AIG1: variants seen among roughly 807,000 people sequenced by gnomAD.
AIG1 encodes the protein androgen-induced gene 1 protein.
Under a neutral mutation model 31.4 loss-of-function variants are expected in AIG1, and 23 were observed. The observed-to-expected ratio is 0.73, with a 90% CI of 0.53 to 1.04. The LOEUF (loss-of-function observed/expected upper bound fraction) is 1.04. Among genes scored for constraint, AIG1 ranks in the 50% least tolerant of loss-of-function variants. The pLI is 0.00. For synonymous variants in AIG1, 100 were observed against 110.5 expected, an observed-to-expected ratio of 0.90 and a Z score of 0.60; for missense variants, 274 against 295.0, an observed-to-expected ratio of 0.93 and a Z score of 0.52.
rs73781111 is a variant in AIG1 at position 143,195,953 on chromosome 6, C to T, written c.399+30770C>T. On this transcript the variant is annotated intron_variant, in intron 3 of 5. Coordinates refer to ENST00000357847, the MANE Select transcript of AIG1 (RefSeq NM_016108.4). ...GATGGCTTCATCTTTTACTTGATCC[C>T]GAAGCAAGGGCAGATTGAGAAGCAG... Among the ~76,000 whole-genome samples the T allele has an allele frequency of 3.1e-3, 475 of 152,292 alleles. 2 individuals are homozygous for T. Among genetic ancestry groups the T allele is most frequent in the African/African-American group, 0.011 (458 of 41,560 alleles).
intron 4 of AIG1, among the ~76,000 whole-genome samples, chr6:143,315,526 A>C (rs929687977): frequency 6.6e-6 from 1 of 152,168 alleles, no homozygotes; most frequent in Non-Finnish European, 1.5e-5. Flanking sequence ...TCACAAATGT[A>C]GGCAACTGAT....
At chr6:143,272,624 C>T (rs1796612573) in intron 3 of AIG1, among the ~76,000 whole-genome samples, 1 of 152,128 alleles carries the variant, frequency 6.6e-6, no homozygotes, top group South Asian at 2.1e-4. Flanking sequence ...AATGACTCTG[C>T]AATATGTATA....
At chr6:143,239,328 T>A (rs1390969101) in intron 3 of AIG1, among the ~76,000 whole-genome samples, 1 of 152,216 alleles carries the variant, frequency 6.6e-6, no homozygotes, top group East Asian at 1.9e-4. Context: ...CTCTGAATAT[T>A]TCTGAGCAGA....
intron 3 of AIG1, among the ~76,000 whole-genome samples, chr6:143,173,941 T>C (rs1038829952): frequency 1.3e-5 from 2 of 152,228 alleles, no homozygotes; most frequent in Non-Finnish European, 2.9e-5. Flanking sequence ...TGTTTCTCTG[T>C]TGACTTTCTG....
At chr6:143,064,711 A>G (rs1776539711) in intron 1 of AIG1, among the ~76,000 whole-genome samples, 1 of 152,242 alleles carries the variant, frequency 6.6e-6, no homozygotes, top group Non-Finnish European at 1.5e-5. Context: ...TAGCTTTAAC[A>G]AAAATGCAAG....
chr6:143,093,079 C>G (rs1476587170), intron 1 of AIG1, among the ~76,000 whole-genome samples: 3 of 151,984 alleles, frequency 2.0e-5, no homozygotes, highest in African/African-American at 7.3e-5. Flanking sequence ...CATCCCTCCC[C>G]TCACAAAAAA....
chr6:143,209,131 C>A (rs1224952134), intron 3 of AIG1, among the ~76,000 whole-genome samples: 9 of 152,194 alleles, frequency 5.9e-5, no homozygotes. Flanking sequence ...GCAGTTCCTG[C>A]AATAAAGAAA....
At position 143,275,806 on chromosome 6, in the gene AIG1, G is replaced by A. The variant is rs185254433; in HGVS notation, c.400-8304G>A. ...TCATAGTATAGTGGTTTGCCTGTCTGAGGGCATTCATTAGAGGTGCTATTC... is the reference window on the plus strand; with the variant it reads ...TCATAGTATAGTGGTTTGCCTGTCTAAGGGCATTCATTAGAGGTGCTATTC... On this transcript the variant is annotated intron_variant, in intron 3 of 5. Coordinates refer to ENST00000357847, the MANE Select transcript of AIG1 (RefSeq NM_016108.4). Among the ~76,000 whole-genome samples the A allele has an allele frequency of 2.2e-3, 342 of 152,296 alleles. 3 individuals carry two copies. Among genetic ancestry groups the A allele is most frequent in the South Asian group, 0.011 (55 of 4,824 alleles).
intron 3 of AIG1, among the ~76,000 whole-genome samples, chr6:143,207,544 A>C (rs200645453): frequency 4.1e-4 from 54 of 133,018 alleles, no homozygotes; most frequent in Non-Finnish European, 7.6e-4. Context: ...ACACACACAC[A>C]CCCCTACTCC....
Position 143,334,343 on chromosome 6 carries a change from G to T in AIG1, c.679+898G>T, listed in dbSNP as rs1777315329. Among the ~76,000 whole-genome samples, 1 of 152,230 alleles carries T rather than the reference G, an allele frequency of 6.6e-6. No individual in the cohort carries two copies. Among genetic ancestry groups the T allele is most frequent in the East Asian group, 1.9e-4 (1 of 5,200 alleles). On this transcript the variant is annotated intron_variant, in intron 5 of 5. Coordinates refer to ENST00000357847, the MANE Select transcript of AIG1 (RefSeq NM_016108.4). This position sits in a 1 kb window ranked among gnomAD's most constrained non-coding sequence, Gnocchi z 5.1. ...ACAGACATTGAGCACCCTGCTTTGT[G>T]CCAGACACCCTGCCAGGAGCTCAAT...
intron 3 of AIG1, among the ~76,000 whole-genome samples, chr6:143,219,911 C>T (rs145597550): frequency 0.011 from 1,622 of 152,278 alleles, 30 homozygotes; most frequent in African/African-American, 0.037. Context: ...TACACAACGG[C>T]ATTGCTATGT....
intron 4 of AIG1, among the ~76,000 whole-genome samples, chr6:143,300,975 T>C (rs1798785645): frequency 6.6e-6 from 1 of 152,214 alleles, no homozygotes; most frequent in Non-Finnish European, 1.5e-5. Flanking sequence ...TTTCTTTTTT[T>C]TGAGACGGAG....
intron 3 of AIG1, among the ~76,000 whole-genome samples, chr6:143,233,916 TA>T (rs1355706154): frequency 6.6e-6 from 1 of 152,248 alleles, no homozygotes; most frequent in African/African-American, 2.4e-5. Flanking sequence ...AAATAATTGT[TA>T]TTTTTTTCTC....
intron 3 of AIG1, among the ~76,000 whole-genome samples, chr6:143,213,822 AG>A (rs1260347128): frequency 6.6e-6 from 1 of 151,970 alleles, no homozygotes. Flanking sequence ...TGGCCTGGGA[AG>A]TTCTTTCTGA....
rs139827698 is a variant in AIG1 at position 143,149,396 on chromosome 6, G to A, written c.297+12406G>A. On this transcript the variant is annotated intron_variant, in intron 2 of 5. Coordinates refer to ENST00000357847, the MANE Select transcript of AIG1 (RefSeq NM_016108.4). ...CAAAAAATTAGCCAGGCGTGGTGGC[G>A]GGTGCCTGTAGTCCCAGCTACTAGG... Among the ~76,000 whole-genome samples, 920 of 151,596 alleles carry A rather than the reference G, an allele frequency of 6.1e-3. 11 individuals are homozygous for A. Among genetic ancestry groups the A allele is most frequent in the African/African-American group, 0.014 (599 of 41,328 alleles).
intron 3 of AIG1, among the ~76,000 whole-genome samples, chr6:143,259,721 T>G (rs1350694046): frequency 1.3e-5 from 2 of 152,152 alleles, no homozygotes; most frequent in Non-Finnish European, 2.9e-5. Context: ...GTGTTCCCTG[T>G]TCAGTTTTAC....
intron 3 of AIG1, among the ~76,000 whole-genome samples, chr6:143,281,531 T>C (rs1295819633): frequency 6.6e-6 from 1 of 152,232 alleles, no homozygotes; most frequent in Non-Finnish European, 1.5e-5. Flanking sequence ...AAAATAATTA[T>C]CTCTCTTGCT....
intron 1 of AIG1, among the ~76,000 whole-genome samples, chr6:143,114,113 A>G (rs1250477060): frequency 6.6e-6 from 1 of 152,202 alleles, no homozygotes; most frequent in Non-Finnish European, 1.5e-5. Context: ...CAGAATTTCA[A>G]ACCTAACAAA....
chr6:143,143,622 CTT>C (rs1047695060), intron 2 of AIG1, among the ~76,000 whole-genome samples: 2 of 139,634 alleles, frequency 1.4e-5, no homozygotes, highest in Admixed American at 1.5e-4. Context: ...AAAGTCAAGA[CTT>C]TTCTATTTTC....
Sources: allele counts gnomAD v4.1 joint callset (sites outside exome capture counted in the v4.1 genomes callset), GRCh38; gene constraint gnomAD v4.1.1; non-coding constraint Gnocchi (gnomAD v3.1); transcripts MANE v1.5; gene names NCBI Gene and HGNC (gene_info 2026-07-23, HGNC 2026-07-21).